The following MOV10L1 variants were observed in gnomAD, a reference collection of about 807,000 sequenced individuals.
MOV10L1 encodes RNA helicase Mov10l1.
A neutral mutation model predicts 143.8 loss-of-function variants in MOV10L1; 110 were observed. The ratio of observed to expected loss-of-function variants is 0.76; its 90% CI spans 0.66 to 0.90. MOV10L1 has a LOEUF of 0.90. Among genes scored for constraint, MOV10L1 ranks in the 40% least tolerant of loss-of-function variants. The probability of loss-of-function intolerance (pLI) is 0.00; values close to 1 mark genes in which losing one functional copy is unlikely to be tolerated. For synonymous variants in MOV10L1, 593 were observed against 581.1 expected (o/e 1.02, Z -0.29); for missense variants, 1,406 against 1,526.8 (o/e 0.92, Z 1.32).
chr22:50,101,280 A>G (rs2061737285), intron 3 of MOV10L1, among the ~76,000 whole-genome samples: 1 of 152,086 alleles, frequency 6.6e-6, no homozygotes, highest in Admixed American at 6.6e-5. Context: ...CAGTAGCACA[A>G]TCTTGGCTTA....
In MOV10L1 at chr22:50,145,859, C is replaced by T. The variant is rs187341896; in HGVS notation, c.2627+49C>T. The T allele has an allele frequency of 1.2e-5, 20 of 1,608,182 alleles. No individual in the cohort carries two copies. In the Middle Eastern group the frequency reaches 6.1e-4, roughly 49 times the overall value. ...GCATGGGGCCTCCCAGGGCAGAGGT[C>T]GGAGTCCTCTCCTAGCTTCTGTCTG... is the stretch of plus-strand genomic sequence containing the variant. On this transcript the variant is annotated intron_variant, in intron 19 of 26. Transcript: ENST00000262794.
chr22:50,114,681 G>T, intron 7 of MOV10L1, 59 bp downstream of exon 7: 1 of 1,594,332 alleles, frequency 6.3e-7, no homozygotes, highest in Non-Finnish European at 8.5e-7. Flanking sequence ...CCGTGGGGTT[G>T]TGAGTTCTGG....
At chr22:50,155,310 G>A (rs1448036694) in intron 22 of MOV10L1, among the ~76,000 whole-genome samples, 3 of 149,712 alleles carry the variant, frequency 2.0e-5, no homozygotes, top group Non-Finnish European at 4.4e-5. Flanking sequence ...ACCCCAGCTG[G>A]GGTGCAGTGG....
chr22:50,108,395 T>C, intron 4 of MOV10L1, 147 bp downstream of exon 4: 2 of 830,394 alleles, frequency 2.4e-6, no homozygotes, highest in Non-Finnish European at 4.0e-6. Context: ...GTTTTCCTAT[T>C]GACAATGCTG....
chr22:50,160,517 G>T (rs1342493324), intron 24 of MOV10L1, among the ~76,000 whole-genome samples, 171 bp from the exon 25 acceptor site: 1 of 151,866 alleles, frequency 6.6e-6, no homozygotes, highest in Non-Finnish European at 1.5e-5. Flanking sequence ...CCTCCCAAAG[G>T]CTGGGATTAC....
intron 15 of MOV10L1, 78 bp downstream of exon 15, chr22:50,134,708 A>C: frequency 7.9e-7 from 1 of 1,267,090 alleles, no homozygotes; most frequent in Admixed American, 1.7e-5. Flanking sequence ...GGGGTGGCTC[A>C]GCGGCGTGAC....
At chr22:50,093,854 G>T (rs713807) in intron 2 of MOV10L1, 34,108 of 152,090 alleles carry the variant, frequency 0.22, 4,189 homozygotes, top group Admixed American at 0.35. Flanking sequence ...GAATTTATTT[G>T]GGTGCACAGA....
Position 50,145,735 on chromosome 22 carries a change from T to C in MOV10L1, c.2552T>C (p.Ile851Thr). 6.2e-7 allele frequency: 1 copy of C among 1,614,118 alleles called. No homozygotes were observed. Among genetic ancestry groups the C allele is most frequent in the Non-Finnish European group, 8.5e-7 (1 of 1,180,032 alleles). ...VKPYCRDGED[I>T]WKASRFRIII... ...CCGTATTGCAGAGACGGAGAAGACA[T>C]CTGGAAAGCCTCACGCTTCCGGATA... Residue 851 changes from isoleucine (I) to threonine (T), a missense_variant, in exon 19 of 27, where the codon ATC becomes ACC. Physicochemically the swap from Ile to Thr is moderately conservative, Grantham distance 89. Transcript: ENST00000262794.
intron 13 of MOV10L1, among the ~76,000 whole-genome samples, chr22:50,129,426 G>A (rs2062609225): frequency 6.6e-6 from 1 of 152,186 alleles, no homozygotes; most frequent in Admixed American, 6.5e-5. Flanking sequence ...TAGGAGTCGA[G>A]ATTTTCACTA....
At chr22:50,108,511 G>T (rs982573783) in intron 4 of MOV10L1, 146 bp from the exon 5 acceptor site, 6 of 851,854 alleles carry the variant, frequency 7.0e-6, no homozygotes, top group Non-Finnish European at 9.4e-6. Flanking sequence ...GTGTGTTGGA[G>T]AATCACTGGA....
chr22:50,161,469 G>A lies in MOV10L1; in HGVS notation c.*20G>A, dbSNP rs1295233869. The A allele has an allele frequency of 2.6e-6, 4 of 1,567,142 alleles. No individual in the cohort carries two copies. The highest frequency in any genetic ancestry group is 1.2e-5 in the South Asian group (1 of 85,278). On this transcript the variant is annotated 3_prime_UTR_variant, in exon 27 of 27. Transcript: ENST00000262794. Reference sequence around the variant, plus strand: ...AGCTGATCTGCAGTGGCTGACAGCAGGGAGGCCATGTGCTCAGCCTGGCCA... The same window carrying A: ...AGCTGATCTGCAGTGGCTGACAGCAAGGAGGCCATGTGCTCAGCCTGGCCA...
At chr22:50,128,584 GC>G in intron 13 of MOV10L1, 77 bp downstream of exon 13, 1 of 687,686 alleles carries the variant, frequency 1.5e-6, no homozygotes, top group Non-Finnish European at 2.3e-6. Context: ...TCATTCTGTT[GC>G]CCAGGCTGGA....
chr22:50,128,472 C>A lies in MOV10L1; in HGVS notation c.1875C>A (p.Asn625Lys). ...KINPEFEQAYNFEPMDVEFTY... is the reference protein window; with the variant it reads ...KINPEFEQAYKFEPMDVEFTY... ...ATCCAGAATTTGAACAAGCCTATAA[C>A]TTTGAACCTATGGATGTGGAATTTA... The change falls in exon 13 of 27, where the codon AAC becomes AAA. Residue 625 changes from asparagine (N) to lysine (K), a missense_variant. Around this residue, in one of 3 missense-constraint regions of MOV10L1, gnomAD observed 1,233 missense variants for 1,351.4 expected, o/e 0.91. Transcript: ENST00000262794. 6.5e-7 allele frequency: 1 copy of A among 1,527,682 alleles called. No individual in the cohort carries two copies. The allele number at this position is 1,527,682 out of a possible 1,614,324, so 94.6% of individuals were successfully genotyped here.
At chr22:50,131,546 T>G (rs1399693373) in intron 13 of MOV10L1, among the ~76,000 whole-genome samples, 1 of 152,222 alleles carries the variant, frequency 6.6e-6, no homozygotes, top group Non-Finnish European at 1.5e-5. Flanking sequence ...TTATCCTGTT[T>G]AGAAACTTGG....
intron 2 of MOV10L1, among the ~76,000 whole-genome samples, chr22:50,098,793 T>G (rs780746148): frequency 9.2e-5 from 14 of 152,140 alleles, no homozygotes; most frequent in Admixed American, 7.2e-4. Context: ...TTGAGTGTGG[T>G]GTTTGTTGTG....
At chr22:50,101,116 T>C (rs1042396848) in intron 3 of MOV10L1, among the ~76,000 whole-genome samples, 1 of 152,054 alleles carries the variant, frequency 6.6e-6, no homozygotes, top group African/African-American at 2.4e-5. Context: ...GAATAGAAGT[T>C]TTCTGCTTTA....
At chr22:50,137,875 CAT>C (rs1284321745) in intron 15 of MOV10L1, among the ~76,000 whole-genome samples, 26 of 138,904 alleles carry the variant, frequency 1.9e-4, no homozygotes, top group Middle Eastern at 4.1e-3. Context: ...TATATACACA[CAT>C]ATTTTATATA....
chr22:50,129,610 G>C (rs575329480), intron 13 of MOV10L1, among the ~76,000 whole-genome samples: 9 of 152,154 alleles, frequency 5.9e-5, no homozygotes, highest in African/African-American at 2.2e-4. Flanking sequence ...GCTGGGTTTG[G>C]GGTTTTTCCA....
chr22:50,090,251 C>T (rs1417169116), intron 1 of MOV10L1, 66 bp downstream of exon 1: 1 of 1,409,520 alleles, frequency 7.1e-7, no homozygotes, highest in Non-Finnish European at 9.2e-7. Flanking sequence ...GAGGGAGCCG[C>T]GCCCATAGGT....
Sources: allele counts gnomAD v4.1 joint callset (sites outside exome capture counted in the v4.1 genomes callset), GRCh38; gene constraint gnomAD v4.1.1; regional missense constraint gnomAD v4.1.1; transcripts MANE v1.5; gene names NCBI Gene and HGNC (gene_info 2026-07-23, HGNC 2026-07-21).